DPP10: variants seen among roughly 807,000 people sequenced by gnomAD.
DPP10 encodes dipeptidyl peptidase like 10.
A neutral mutation model predicts 120.9 loss-of-function variants in DPP10; 33 were observed. That is an observed-to-expected ratio of 0.27 (90% CI 0.21 to 0.37). DPP10 has a LOEUF of 0.37. Ranked by LOEUF, DPP10 falls within the 10% of genes least tolerant of loss-of-function variation. The pLI is 1.00. For missense variants in DPP10, 816 were observed against 942.8 expected, an observed-to-expected ratio of 0.87 and a Z score of 1.76; for synonymous variants, 337 against 326.1, an observed-to-expected ratio of 1.03 and a Z score of -0.36.
chr2:115,580,275 G>T (rs1050004331), intron 5 of DPP10: 1 of 152,184 alleles, frequency 6.6e-6, no homozygotes, highest in Admixed American at 6.5e-5. Flanking sequence ...AAGTTGGTTA[G>T]AGTGTAATAT....
At chr2:115,035,795 A>G (rs897341059) in intron 1 of DPP10, among the ~76,000 whole-genome samples, 3 of 152,246 alleles carry the variant, frequency 2.0e-5, no homozygotes, top group African/African-American at 7.2e-5. Context: ...AAAAACAATT[A>G]GAATATAACA....
chr2:115,102,437 G>T (rs909078405), intron 1 of DPP10, among the ~76,000 whole-genome samples: 1 of 151,912 alleles, frequency 6.6e-6, no homozygotes, highest in Non-Finnish European at 1.5e-5. Context: ...TTGAGATAGG[G>T]TCTCACTCTG....
At chr2:114,644,653 T>C (rs969622183) in intron 1 of DPP10, among the ~76,000 whole-genome samples, 1 of 151,836 alleles carries the variant, frequency 6.6e-6, no homozygotes, top group African/African-American at 2.4e-5. Context: ...ATTTTCAGCC[T>C]TTAGAAAAGG....
intron 3 of DPP10, among the ~76,000 whole-genome samples, chr2:115,376,648 CCACT>C (rs1156408812): frequency 6.6e-6 from 1 of 150,390 alleles, no homozygotes; most frequent in Non-Finnish European, 1.5e-5. Flanking sequence ...TGCGCTGCAC[CCACT>C]AACTCGTCAT....
chr2:115,554,656 C>T (rs1397803206), intron 5 of DPP10, among the ~76,000 whole-genome samples: 1 of 152,008 alleles, frequency 6.6e-6, no homozygotes, highest in Non-Finnish European at 1.5e-5. Flanking sequence ...CTTCCGAAAA[C>T]ATCTTTCTTC....
chr2:114,624,240 C>T (rs1558942248), intron 1 of DPP10, among the ~76,000 whole-genome samples: 2 of 151,734 alleles, frequency 1.3e-5, no homozygotes, highest in African/African-American at 2.4e-5. Context: ...GTGTGGGTGG[C>T]CTCTCTAGGG....
chr2:114,649,474 G>A (rs781009352), intron 1 of DPP10, among the ~76,000 whole-genome samples: 1 of 151,506 alleles, frequency 6.6e-6, no homozygotes, highest in Non-Finnish European at 1.5e-5. Context: ...TGATTCTCCC[G>A]AGTAGCTGGG....
intron 8 of DPP10, among the ~76,000 whole-genome samples, chr2:115,733,515 A>T (rs559846156): frequency 6.6e-6 from 1 of 152,094 alleles, no homozygotes; most frequent in South Asian, 2.1e-4. Context: ...GTGGATGGAC[A>T]TGTAAATGGG....
At chr2:114,458,325 GA>G (rs1430398560) in intron 1 of DPP10, among the ~76,000 whole-genome samples, 1 of 152,036 alleles carries the variant, frequency 6.6e-6, no homozygotes. Flanking sequence ...CATAAAATAG[GA>G]AATCATCTCA....
At chr2:115,043,946 A>T (rs535123651) in intron 1 of DPP10, among the ~76,000 whole-genome samples, 1 of 152,194 alleles carries the variant, frequency 6.6e-6, no homozygotes, top group South Asian at 2.1e-4. Flanking sequence ...TATGGGGTAC[A>T]TGAGATATTT....
chr2:115,833,387 ACG>A, intron 21 of DPP10, among the ~76,000 whole-genome samples: 1 of 152,292 alleles, frequency 6.6e-6, no homozygotes, highest in African/African-American at 2.4e-5. Context: ...AGTCTTGCCT[ACG>A]GGAAATACTT....
intron 1 of DPP10, among the ~76,000 whole-genome samples, chr2:115,285,930 C>T (rs76897581): frequency 0.02 from 3,026 of 152,016 alleles, 104 homozygotes; most frequent in African/African-American, 0.067. Context: ...CTCTTTCCCG[C>T]TACAGGATAA....
chr2:115,240,232 G>T (rs1332153645), intron 1 of DPP10, among the ~76,000 whole-genome samples: 2 of 152,160 alleles, frequency 1.3e-5, no homozygotes, highest in Non-Finnish European at 2.9e-5. Context: ...GTGTAAAAGT[G>T]TTCCTGTTTC....
At chr2:115,148,986 A>G (rs1189844550) in intron 1 of DPP10, among the ~76,000 whole-genome samples, 1 of 152,148 alleles carries the variant, frequency 6.6e-6, no homozygotes, top group African/African-American at 2.4e-5. Context: ...TCAATGTGTC[A>G]TCTCCCTTGT....
At chr2:114,615,342 C>G (rs1047409773) in intron 1 of DPP10, among the ~76,000 whole-genome samples, 1 of 152,080 alleles carries the variant, frequency 6.6e-6, no homozygotes, top group Non-Finnish European at 1.5e-5. Flanking sequence ...ATATTGGCCA[C>G]GGTTGTAGTT....
chr2:115,599,843 G>C (rs985793521), intron 5 of DPP10, among the ~76,000 whole-genome samples: 1 of 95,260 alleles, frequency 1.0e-5, no homozygotes, highest in Non-Finnish European at 2.1e-5. Flanking sequence ...GTGCATTGTA[G>C]CTCACATCTC....
intron 19 of DPP10, among the ~76,000 whole-genome samples, chr2:115,795,063 G>T (rs996790273): frequency 3.9e-5 from 6 of 152,172 alleles, no homozygotes; most frequent in East Asian, 3.9e-4. Flanking sequence ...ATAGTGCCAA[G>T]ACTGAAGGTG....
At chr2:115,024,875 G>A (rs1703349047) in intron 1 of DPP10, among the ~76,000 whole-genome samples, 1 of 148,648 alleles carries the variant, frequency 6.7e-6, no homozygotes, top group East Asian at 2.0e-4. Context: ...TTGAGGTTAT[G>A]TATATTCCAA....
In DPP10 at chr2:115,558,049, A is replaced by G. The variant is rs1241820710; in HGVS notation, c.441+32077A>G. On this transcript the variant is annotated intron_variant, in intron 5 of 25. Transcript: ENST00000410059. ...TATATTTTATAAGACAATATATTGT[A>G]TACATTACATGTACATTTGTGTGTG... is the stretch of plus-strand genomic sequence containing the variant. 2.0e-5 allele frequency among the ~76,000 whole-genome samples: 3 copies of G among 152,172 alleles called. No homozygotes were observed. In the East Asian group the frequency reaches 5.8e-4, roughly 29 times the overall value.
Sources: allele counts gnomAD v4.1 joint callset (sites outside exome capture counted in the v4.1 genomes callset), GRCh38; gene constraint gnomAD v4.1.1; transcripts MANE v1.5; gene names NCBI Gene and HGNC (gene_info 2026-07-23, HGNC 2026-07-21).